The following SLC39A11 variants were observed in gnomAD, a reference collection of about 807,000 sequenced individuals.
SLC39A11 encodes zinc transporter ZIP11.
In SLC39A11, 33 loss-of-function variants were observed where a neutral mutation model predicts 36.1. The ratio of observed to expected loss-of-function variants is 0.91; its 90% CI spans 0.69 to 1.22. The LOEUF (loss-of-function observed/expected upper bound fraction) is 1.22, where lower values mean the gene tolerates loss of function less well. SLC39A11 is among the 50% of genes most tolerant of loss of function. The probability of loss-of-function intolerance (pLI) is 0.00; values close to 1 mark genes in which losing one functional copy is unlikely to be tolerated. For synonymous variants in SLC39A11, 166 were observed against 170.3 expected (o/e 0.97, Z 0.20); for missense variants, 432 against 430.3 (o/e 1.00, Z -0.03).
intron 6 of SLC39A11, among the ~76,000 whole-genome samples, chr17:72,808,363 CG>C (rs1255023175): frequency 2.6e-5 from 4 of 152,212 alleles, no homozygotes; most frequent in African/African-American, 9.7e-5. Flanking sequence ...GGGCTGCCCT[CG>C]CTCATTCTTA....
intron 5 of SLC39A11, among the ~76,000 whole-genome samples, chr17:72,866,709 T>C (rs548000074): frequency 4.3e-4 from 66 of 152,326 alleles, no homozygotes; most frequent in African/African-American, 1.6e-3. Flanking sequence ...TTACAGAGAA[T>C]GCAATGCAAA....
rs571832948 is a variant in SLC39A11 at position 72,866,096 on chromosome 17, G to A, written c.431-16292C>T. Among the ~76,000 whole-genome samples, 217 of 152,252 alleles carry A rather than the reference G, an allele frequency of 1.4e-3. 1 individual carries two copies. Among genetic ancestry groups the A allele is most frequent in the African/African-American group, 4.8e-3 (200 of 41,558 alleles). On this transcript the variant is annotated intron_variant, in intron 5 of 9. Transcript: ENST00000255559. ...CCAGGCTGCACAGCAGGGGGTGAGC[G>A]GCAGGCAAGCAGTTGAAGCTTCATC...
intron 7 of SLC39A11, among the ~76,000 whole-genome samples, chr17:72,660,168 G>C (rs77503932): frequency 0.092 from 13,962 of 152,212 alleles, 725 homozygotes; most frequent in Middle Eastern, 0.15. Flanking sequence ...GTCAGCAGCA[G>C]CACAGAGCAT....
At chr17:72,681,931 T>A (rs2071525602) in intron 7 of SLC39A11, among the ~76,000 whole-genome samples, 1 of 152,188 alleles carries the variant, frequency 6.6e-6, no homozygotes. Context: ...CATGGTTTGT[T>A]AGGAACTGGG....
At chr17:72,843,877 C>T (rs1255568249) in intron 6 of SLC39A11, among the ~76,000 whole-genome samples, 5 of 152,126 alleles carry the variant, frequency 3.3e-5, no homozygotes, top group Non-Finnish European at 7.3e-5. Flanking sequence ...TGTGCATATG[C>T]CTTCGGGTGT....
intron 6 of SLC39A11, among the ~76,000 whole-genome samples, chr17:72,771,940 C>T (rs2075963377): frequency 6.6e-6 from 1 of 152,166 alleles, no homozygotes; most frequent in South Asian, 2.1e-4. Context: ...AGAGGGGAGC[C>T]TCTTTCCACC....
intron 3 of SLC39A11, among the ~76,000 whole-genome samples, chr17:73,076,226 T>C (rs2060316598): frequency 6.6e-6 from 1 of 150,952 alleles, no homozygotes; most frequent in African/African-American, 2.4e-5. Flanking sequence ...ACTAGAGACT[T>C]GGAGAGTAAT....
intron 4 of SLC39A11, among the ~76,000 whole-genome samples, chr17:72,978,731 G>A (rs982435629): frequency 6.6e-6 from 1 of 152,170 alleles, no homozygotes; most frequent in African/African-American, 2.4e-5. Context: ...TTAGGCTGGG[G>A]TGGAAAGGAG....
At chr17:73,077,027 G>A (rs920651182) in intron 3 of SLC39A11, among the ~76,000 whole-genome samples, 8 of 152,024 alleles carry the variant, frequency 5.3e-5, no homozygotes, top group Non-Finnish European at 1.2e-4. Flanking sequence ...AATGCCACCT[G>A]GAGGGCAACA....
chr17:72,678,416 C>T (rs535777296), intron 7 of SLC39A11, among the ~76,000 whole-genome samples: 1 of 152,140 alleles, frequency 6.6e-6, no homozygotes, highest in South Asian at 2.1e-4. Flanking sequence ...TTTGAAACTC[C>T]AAGAACATGG....
At chr17:72,853,015 AT>A (rs1226320642) in intron 5 of SLC39A11, among the ~76,000 whole-genome samples, 1 of 151,898 alleles carries the variant, frequency 6.6e-6, no homozygotes, top group Non-Finnish European at 1.5e-5. Flanking sequence ...CTTTTGATTG[AT>A]TGATTGATTG....
chr17:72,850,137 C>G (rs1303372012), intron 5 of SLC39A11, among the ~76,000 whole-genome samples: 1 of 152,172 alleles, frequency 6.6e-6, no homozygotes. Flanking sequence ...ACTCAGGCAT[C>G]CATTCATTCA....
At chr17:72,989,772 G>A (rs1043874024) in intron 4 of SLC39A11, among the ~76,000 whole-genome samples, 3 of 152,134 alleles carry the variant, frequency 2.0e-5, no homozygotes, top group Admixed American at 6.6e-5. Context: ...AGATCATTAC[G>A]TAAAGTCTCC....
intron 6 of SLC39A11, among the ~76,000 whole-genome samples, chr17:72,781,591 T>C (rs112644778): frequency 0.037 from 5,567 of 152,014 alleles, 317 homozygotes; most frequent in African/African-American, 0.12. Flanking sequence ...GCCCAGCTAA[T>C]TTTTTGTATT....
chr17:72,689,154 G>A (rs529175979), intron 7 of SLC39A11, among the ~76,000 whole-genome samples: 1 of 152,216 alleles, frequency 6.6e-6, no homozygotes, highest in African/African-American at 2.4e-5. Context: ...CAGCCTTGTA[G>A]GTGGCTGGCC....
In SLC39A11 at chr17:72,699,020, G is replaced by A. The variant is rs144767744; in HGVS notation, c.671+37630C>T. 8.9e-3 allele frequency among the ~76,000 whole-genome samples: 1,359 copies of A among 152,128 alleles called. 23 individuals carry two copies. Among genetic ancestry groups the A allele is most frequent in the African/African-American group, 0.029 (1,205 of 41,512 alleles). On this transcript the variant is annotated intron_variant, in intron 7 of 9. Transcript: ENST00000255559. Reference sequence around the variant, plus strand: ...TAATTTTTGTATTTTTAGTAGAGACGGGGTTTCACCATGTTAGCCAGGATG... The same window carrying A: ...TAATTTTTGTATTTTTAGTAGAGACAGGGTTTCACCATGTTAGCCAGGATG...
intron 7 of SLC39A11, among the ~76,000 whole-genome samples, chr17:72,705,927 C>T (rs878961345): frequency 2.6e-5 from 4 of 152,214 alleles, no homozygotes; most frequent in Admixed American, 2.6e-4. Flanking sequence ...AAGCACATTT[C>T]TTCCTCCCAA....
chr17:72,742,062 G>A (rs1016996093), intron 6 of SLC39A11, among the ~76,000 whole-genome samples: 1 of 152,054 alleles, frequency 6.6e-6, no homozygotes. Context: ...AATTTGCTGG[G>A]CATGGTGGCT....
At chr17:72,944,320 G>A (rs2085291349) in intron 5 of SLC39A11, among the ~76,000 whole-genome samples, 1 of 152,052 alleles carries the variant, frequency 6.6e-6, no homozygotes, top group South Asian at 2.1e-4. Context: ...ATTTAAATGG[G>A]GAAATTAACA....
Sources: gnomAD v4.1 joint callset for allele counts (sites outside exome capture counted in the v4.1 genomes callset) on GRCh38, gnomAD v4.1.1 for gene constraint, MANE v1.5 for transcripts, NCBI Gene and HGNC (gene_info 2026-07-23, HGNC 2026-07-21) for gene names.